PRSS55: variants seen among roughly 807,000 people sequenced by gnomAD.
PRSS55 encodes the protein probable serine protease UNQ9391/PRO34284.
PRSS55 carries 41 observed loss-of-function variants against 23.6 expected under a neutral mutation model. The ratio of observed to expected loss-of-function variants is 1.74; its 90% CI spans 1.35 to 2.26. The LOEUF (loss-of-function observed/expected upper bound fraction) is 2.26, where lower values mean the gene tolerates loss of function less well. Among genes scored for constraint, PRSS55 ranks in the 30% most tolerant of loss-of-function variants. The probability of loss-of-function intolerance (pLI) is 0.00; values close to 1 mark genes in which losing one functional copy is unlikely to be tolerated. For synonymous variants in PRSS55, 262 were observed against 175.5 expected, an observed-to-expected ratio of 1.49 and a Z score of -3.90; for missense variants, 669 against 439.1, an observed-to-expected ratio of 1.52 and a Z score of -4.68.
chr8:10,538,081 C>T lies in PRSS55; in HGVS notation c.742-395C>T, dbSNP rs898847802. ...AGACCCAGTTCTTAGCCCTGCAACA[C>T]TTCACATGTCCCATTCCCTTTCCTG... On this transcript the variant is annotated intron_variant, in intron 4 of 4. Transcript: ENST00000328655. Among the ~76,000 whole-genome samples the T allele has an allele frequency of 7.9e-5, 12 of 152,312 alleles. 1 individual carries two copies. The highest frequency in any genetic ancestry group is 7.2e-4 in the Admixed American group (11 of 15,310).
At chr8:10,550,819 CGTGT>C (rs1456680309) in intron 4 of PRSS55, among the ~76,000 whole-genome samples, 1 of 152,184 alleles carries the variant, frequency 6.6e-6, no homozygotes, top group Non-Finnish European at 1.5e-5. Flanking sequence ...TGTGTGCATG[CGTGT>C]GTGTGCACGT....
intron 4 of PRSS55, among the ~76,000 whole-genome samples, chr8:10,534,324 G>A (rs1293802822): frequency 1.3e-5 from 2 of 152,130 alleles, no homozygotes; most frequent in Non-Finnish European, 2.9e-5. Context: ...TCTTTATAGT[G>A]ATGCAAGAAC....
At position 10,529,527 on chromosome 8, in the gene PRSS55, T is replaced by A. The variant is rs778174462; in HGVS notation, c.175T>A (p.Phe59Ile). The change falls in exon 2 of 5, where the codon TTC (phenylalanine) becomes ATC (isoleucine). Residue 59 changes from phenylalanine to isoleucine, a missense_variant. By Grantham distance (21) the Phe-to-Ile change is conservative (BLOSUM62 0). Transcript: ENST00000328655. ...ACCAGAATGTGGTGACAGATCTATT[T>A]TCGAGGGAAGAACTCGGTATTCCAG... ...PVSECGDRSI[F>I]EGRTRYSRIT... is the part of the protein sequence containing the mutation. 7 of 1,614,082 alleles carry A rather than the reference T, an allele frequency of 4.3e-6. No individual in the cohort carries two copies. The Admixed American group carries it at 1.2e-4, about 27-fold the overall frequency.
chr8:10,550,116 T>A (rs553539322), intron 4 of PRSS55, among the ~76,000 whole-genome samples: 63 of 152,166 alleles, frequency 4.1e-4, no homozygotes, highest in African/African-American at 1.5e-3. Flanking sequence ...ACGGGGTTTC[T>A]CCATGTTGGC....
At chr8:10,530,319 A>C (rs1218555263) in intron 2 of PRSS55, among the ~76,000 whole-genome samples, 4 of 152,090 alleles carry the variant, frequency 2.6e-5, no homozygotes, top group Admixed American at 2.0e-4. Flanking sequence ...TACTAAAAAT[A>C]CAAAAATTAG....
chr8:10,554,040 CTCTT>C (rs1460142751), exon 5 of PRSS55: 42 of 1,517,860 alleles, frequency 2.8e-5, no homozygotes, highest in Non-Finnish European at 3.5e-5. Context: ...TGATGCTTTG[CTCTT>C]TCTTCTACAT....
chr8:10,551,789 C>T (rs1481414108), intron 4 of PRSS55, among the ~76,000 whole-genome samples: 2 of 152,224 alleles, frequency 1.3e-5, no homozygotes, highest in Admixed American at 1.3e-4. Context: ...ACTCCTCCCT[C>T]TCCTGTGTCA....
At chr8:10,528,617 A>G (rs1420162465) in intron 1 of PRSS55, among the ~76,000 whole-genome samples, 1 of 152,200 alleles carries the variant, frequency 6.6e-6, no homozygotes, top group Non-Finnish European at 1.5e-5. Flanking sequence ...TGACTAGCCT[A>G]CAACAGCCAG....
intron 4 of PRSS55, among the ~76,000 whole-genome samples, chr8:10,548,776 C>A (rs541282631): frequency 6.6e-6 from 1 of 152,170 alleles, no homozygotes; most frequent in African/African-American, 2.4e-5. Context: ...CCCGTGCCCC[C>A]CTCCAGGCAG....
At chr8:10,534,488 C>A (rs536557690) in intron 4 of PRSS55, among the ~76,000 whole-genome samples, 21 of 152,262 alleles carry the variant, frequency 1.4e-4, no homozygotes, top group African/African-American at 4.8e-4. Flanking sequence ...CTGCTCAGCT[C>A]CTTTGGTAAG....
intron 4 of PRSS55, among the ~76,000 whole-genome samples, chr8:10,533,314 T>C (rs925671006): frequency 1.3e-5 from 2 of 152,214 alleles, no homozygotes; most frequent in Non-Finnish European, 2.9e-5. Context: ...GCCAAGGCTT[T>C]TCTCATTTCT....
chr8:10,532,885 T>C (rs1430602388), intron 3 of PRSS55, 21 bp from the exon 4 acceptor site: 8 of 1,614,082 alleles, frequency 5.0e-6, no homozygotes, highest in Admixed American at 1.7e-5. Context: ...GCTTCTCTAA[T>C]GCGCTTTCTC....
intron 4 of PRSS55, among the ~76,000 whole-genome samples, chr8:10,533,614 A>T (rs968503475): frequency 6.6e-6 from 1 of 152,190 alleles, no homozygotes; most frequent in Non-Finnish European, 1.5e-5. Context: ...ATAGCCAGAA[A>T]AATAGAAAAA....
At chr8:10,548,619 C>T (rs1563550502) in intron 4 of PRSS55, among the ~76,000 whole-genome samples, 1 of 152,124 alleles carries the variant, frequency 6.6e-6, no homozygotes, top group Non-Finnish European at 1.5e-5. Flanking sequence ...ACCTTAGCCC[C>T]GGCCATTCCC....
chr8:10,554,060 C>G (rs1813009386), exon 5 of PRSS55: 1 of 1,455,926 alleles, frequency 6.9e-7, no homozygotes, highest in Admixed American at 2.2e-5. Context: ...TACATGGAGC[C>G]ATTTTTGGGG....
intron 4 of PRSS55, among the ~76,000 whole-genome samples, chr8:10,535,873 AC>A (rs1812435805): frequency 6.6e-6 from 1 of 152,174 alleles, no homozygotes; most frequent in Non-Finnish European, 1.5e-5. Flanking sequence ...ACAAGCAAAA[AC>A]TAAACAACCT....
At chr8:10,537,671 C>T (rs1052100659) in intron 4 of PRSS55, among the ~76,000 whole-genome samples, 1 of 152,304 alleles carries the variant, frequency 6.6e-6, no homozygotes, top group African/African-American at 2.4e-5. Context: ...GATTTAATTA[C>T]TGCACATTGT....
chr8:10,547,599 G>A (rs1211149058), intron 4 of PRSS55: 1 of 152,442 alleles, frequency 6.6e-6, no homozygotes, highest in East Asian at 1.9e-4. Flanking sequence ...AACCCCGTTA[G>A]CAGGCACTAC....
intron 3 of PRSS55, among the ~76,000 whole-genome samples, chr8:10,532,617 G>C (rs568736402): frequency 1.2e-4 from 18 of 152,378 alleles, no homozygotes; most frequent in African/African-American, 3.8e-4. Context: ...TCAGTAGCCA[G>C]TTCCAAGAAG....
Sources: gnomAD v4.1 joint callset for allele counts (sites outside exome capture counted in the v4.1 genomes callset) on GRCh38, gnomAD v4.1.1 for gene constraint, MANE v1.5 for transcripts, NCBI Gene and HGNC (gene_info 2026-07-23, HGNC 2026-07-21) for gene names.